CDKL4: variants seen among roughly 807,000 people sequenced by gnomAD.
The protein encoded by CDKL4 is cyclin dependent kinase like 4.
Under a neutral mutation model 42.0 loss-of-function variants are expected in CDKL4, and 44 were observed. That is an observed-to-expected ratio of 1.05 (90% CI 0.82 to 1.35). The LOEUF (loss-of-function observed/expected upper bound fraction) is 1.35, where lower values mean the gene tolerates loss of function less well. Ranked by LOEUF, CDKL4 falls within the 40% of genes most tolerant of loss-of-function variation. CDKL4 has a pLI of 0.00. For synonymous variants in CDKL4, 120 were observed against 121.6 expected, an observed-to-expected ratio of 0.99 and a Z score of 0.09; for missense variants, 393 against 369.9, an observed-to-expected ratio of 1.06 and a Z score of -0.51.
At chr2:39,178,873 C>A in intron 9 of CDKL4, 2 of 1,470,946 alleles carry the variant, frequency 1.4e-6, no homozygotes, top group Admixed American at 2.7e-5. Context: ...TTGGAATCAG[C>A]ATTTTATTAT....
At chr2:39,199,648 G>A (rs1676730620) in intron 5 of CDKL4, among the ~76,000 whole-genome samples, 3 of 152,156 alleles carry the variant, frequency 2.0e-5, no homozygotes, top group Admixed American at 2.0e-4. Context: ...CCATGATCAA[G>A]TGGATTTCAT....
chr2:39,227,448 G>C (rs966352995), intron 2 of CDKL4, among the ~76,000 whole-genome samples: 1 of 152,168 alleles, frequency 6.6e-6, no homozygotes, highest in Non-Finnish European at 1.5e-5. Context: ...CTGCTCCACA[G>C]CTGGGGAAAA....
chr2:39,188,765 C>T (rs557396608), intron 6 of CDKL4, among the ~76,000 whole-genome samples: 1 of 152,136 alleles, frequency 6.6e-6, no homozygotes, highest in African/African-American at 2.4e-5. Context: ...TCATGGCTCA[C>T]TTCAGCCTCG....
In CDKL4 at chr2:39,209,150, A is replaced by T. The variant is rs926916304; in HGVS notation, c.363+4250T>A. On this transcript the variant is annotated intron_variant, in intron 4 of 9. Coordinates refer to ENST00000451199, the Ensembl canonical transcript of CDKL4. Reference sequence around the variant, plus strand: ...ACTATCTCTACAAAAAAAAAAAAAAATTTTTTTTTTAAATTAGCCATGCAT... The same window carrying T: ...ACTATCTCTACAAAAAAAAAAAAAATTTTTTTTTTTAAATTAGCCATGCAT... Among the ~76,000 whole-genome samples, 450 of 73,100 alleles carry T rather than the reference A, an allele frequency of 6.2e-3. 2 individuals are homozygous for T. The highest frequency in any genetic ancestry group is 0.014 in the African/African-American group (434 of 30,748). The allele number at this position is 73,100 out of a possible 152,430, so 48.0% of individuals were successfully genotyped here.
At chr2:39,212,142 G>A (rs943663565) in intron 4 of CDKL4, among the ~76,000 whole-genome samples, 21 of 152,180 alleles carry the variant, frequency 1.4e-4, no homozygotes, top group Non-Finnish European at 4.4e-5. Flanking sequence ...AAACTCTGGG[G>A]GTGGGGCCCA....
intron 2 of CDKL4, among the ~76,000 whole-genome samples, chr2:39,228,294 AG>A (rs2148390799): frequency 6.6e-6 from 1 of 152,214 alleles, no homozygotes; most frequent in African/African-American, 2.4e-5. Context: ...GCTGGCTGAG[AG>A]GTAAGAGTGA....
intron 4 of CDKL4, among the ~76,000 whole-genome samples, chr2:39,212,633 G>A (rs115488238): frequency 0.019 from 2,872 of 152,040 alleles, 99 homozygotes; most frequent in African/African-American, 0.064. Flanking sequence ...AAAGTACCAT[G>A]GGGGATTACA....
intron 4 of CDKL4, among the ~76,000 whole-genome samples, chr2:39,209,207 G>C (rs1677423767): frequency 2.6e-5 from 4 of 151,748 alleles, no homozygotes; most frequent in Admixed American, 2.6e-4. Context: ...AGTTCCTTGG[G>C]AGGCTAAGGT....
intron 8 of CDKL4, among the ~76,000 whole-genome samples, chr2:39,183,825 C>T (rs766753336): frequency 6.6e-6 from 1 of 152,078 alleles, no homozygotes; most frequent in South Asian, 2.1e-4. Context: ...CAGGCTCTGA[C>T]TCTCAGGAGG....
At chr2:39,236,563 G>A (rs61626830) in intron 1 of CDKL4, among the ~76,000 whole-genome samples, 4 of 152,094 alleles carry the variant, frequency 2.6e-5, no homozygotes, top group East Asian at 3.9e-4. Context: ...AGAACCATTC[G>A]TATACAAGGG....
intron 1 of CDKL4, among the ~76,000 whole-genome samples, chr2:39,237,952 C>T (rs1679457980): frequency 6.6e-6 from 1 of 152,006 alleles, no homozygotes; most frequent in Admixed American, 6.6e-5. Flanking sequence ...ACAATTCCAT[C>T]CAAATTAATG....
chr2:39,208,701 C>CTTTTTTTTTTTTTTTTTTTT (rs761337117), intron 4 of CDKL4, among the ~76,000 whole-genome samples: 1 of 102,004 alleles, frequency 9.8e-6, no homozygotes, highest in Non-Finnish European at 2.0e-5. Context: ...GACGGGCAAT[C>CTTTTTTTTTTTTTTTTTTTT]TTTTTTTTTT....
intron 5 of CDKL4, among the ~76,000 whole-genome samples, chr2:39,195,274 C>T (rs1188795576): frequency 6.6e-6 from 1 of 152,178 alleles, no homozygotes; most frequent in Non-Finnish European, 1.5e-5. Context: ...CATTGGCATA[C>T]AAATATCTTC....
chr2:39,174,144 C>A (rs1675076301), downstream of CDKL4, among the ~76,000 whole-genome samples: 1 of 152,094 alleles, frequency 6.6e-6, no homozygotes, highest in Non-Finnish European at 1.5e-5. Flanking sequence ...TTGGCGCACT[C>A]CCGTAATCCC....
rs1406669421 is a variant in CDKL4 at position 39,185,387 on chromosome 2, C to T, written c.736-740G>A. Among the ~76,000 whole-genome samples, 16 of 3,158 alleles carry T rather than the reference C, an allele frequency of 5.1e-3. 2 individuals carry two copies. The highest frequency in any genetic ancestry group is 0.014 in the South Asian group (2 of 138). 2.1% of individuals were successfully genotyped at this position (3,158 alleles called of 152,430 possible). ...ATATATATATACATATGTATATATA[C>T]ATGTATATATACATATGTGTATATA... On this transcript the variant is annotated intron_variant, in intron 7 of 9. Coordinates refer to ENST00000451199, the Ensembl canonical transcript of CDKL4.
chr2:39,204,713 G>A, intron 4 of CDKL4, 96 bp from the exon 5 acceptor site: 2 of 584,828 alleles, frequency 3.4e-6, no homozygotes, highest in Non-Finnish European at 5.7e-6. Context: ...CAGCCTATGA[G>A]ATAAAAACAA....
intron 7 of CDKL4, among the ~76,000 whole-genome samples, chr2:39,185,797 G>A (rs1309674389): frequency 6.6e-6 from 1 of 151,908 alleles, no homozygotes; most frequent in Non-Finnish European, 1.5e-5. Flanking sequence ...TTATATAATT[G>A]TACACTGTAT....
At chr2:39,196,030 G>A (rs373366247) in intron 5 of CDKL4, among the ~76,000 whole-genome samples, 2 of 152,168 alleles carry the variant, frequency 1.3e-5, no homozygotes, top group African/African-American at 4.8e-5. Context: ...CAGGCTCTGT[G>A]GGACAGCCAA....
At chr2:39,241,696 C>G (rs1276427872) in intron 1 of CDKL4, among the ~76,000 whole-genome samples, 4 of 152,144 alleles carry the variant, frequency 2.6e-5, no homozygotes, top group Non-Finnish European at 5.9e-5. Flanking sequence ...AAGTTCAAGT[C>G]AAATGTCTTT....
Sources: allele counts gnomAD v4.1 joint callset (sites outside exome capture counted in the v4.1 genomes callset), GRCh38; gene constraint gnomAD v4.1.1; transcripts MANE v1.5; gene names NCBI Gene and HGNC (gene_info 2026-07-23, HGNC 2026-07-21).